VTA1: variants seen among roughly 807,000 people sequenced by gnomAD.
VTA1 encodes the protein vacuolar protein sorting-associated protein VTA1 homolog.
In VTA1, 24 loss-of-function variants were observed where a neutral mutation model predicts 36.9. That is an observed-to-expected ratio of 0.65 (90% CI 0.47 to 0.91). The LOEUF (loss-of-function observed/expected upper bound fraction) is 0.91. Ranked by LOEUF, VTA1 falls within the 40% of genes least tolerant of loss-of-function variation. The pLI, the probability that VTA1 is intolerant of heterozygous loss-of-function variation, is 0.00. For missense variants in VTA1, 393 were observed against 377.2 expected, an observed-to-expected ratio of 1.04 and a Z score of -0.35; for synonymous variants, 142 against 130.2, an observed-to-expected ratio of 1.09 and a Z score of -0.62.
In VTA1 at chr6:142,224,505, A is replaced by G. The variant is rs1282710347; in HGVS notation, c.*5862A>G. On this transcript the variant is annotated 3_prime_UTR_variant, in exon 8 of 8. Transcript: ENST00000367630. Reference sequence around the variant, plus strand: ...TTATGTATCACGTAAGTTAAACTTTATTTATTTACATGTGTCTCCCTCATT... The same window carrying G: ...TTATGTATCACGTAAGTTAAACTTTGTTTATTTACATGTGTCTCCCTCATT... 6.6e-6 allele frequency: 1 copy of G among 152,128 alleles called. No homozygotes were observed. The highest frequency in any genetic ancestry group is 1.5e-5 in the Non-Finnish European group (1 of 68,020). 9.4% of individuals were successfully genotyped at this position (152,128 alleles called of 1,614,324 possible). A position where few individuals can be genotyped will look rare whatever the true frequency, so the allele number is the denominator to read the frequency against.
chr6:142,152,764 G>A (rs1218577174), intron 1 of VTA1, among the ~76,000 whole-genome samples: 7 of 152,046 alleles, frequency 4.6e-5, no homozygotes, highest in Admixed American at 2.0e-4. Context: ...ATAAAAACAT[G>A]TTAAGGGATA....
At chr6:142,179,281 A>G (rs1243052620) in intron 4 of VTA1, among the ~76,000 whole-genome samples, 1 of 152,166 alleles carries the variant, frequency 6.6e-6, no homozygotes, top group Non-Finnish European at 1.5e-5. Flanking sequence ...TGGAGATGTT[A>G]GATGTTATAT....
At chr6:142,169,516 A>C (rs754708403) in intron 2 of VTA1, 34 bp from the exon 3 acceptor site, 2 of 1,592,544 alleles carry the variant, frequency 1.3e-6, no homozygotes, top group Non-Finnish European at 1.7e-6. Context: ...CTGAGAGTCC[A>C]AAATCATAAG....
intron 6 of VTA1, among the ~76,000 whole-genome samples, chr6:142,199,614 A>C (rs1207852031): frequency 6.6e-6 from 1 of 152,094 alleles, no homozygotes; most frequent in Non-Finnish European, 1.5e-5. Context: ...ATTACATTAT[A>C]TGCAAGTTTT....
chr6:142,216,044 C>A (rs1203395045), intron 7 of VTA1, among the ~76,000 whole-genome samples: 1 of 152,092 alleles, frequency 6.6e-6, no homozygotes, highest in African/African-American at 2.4e-5. Flanking sequence ...TATTAGACAA[C>A]CCCTCTAATC....
chr6:142,179,893 T>C (rs1775195394), intron 4 of VTA1, among the ~76,000 whole-genome samples: 1 of 152,188 alleles, frequency 6.6e-6, no homozygotes, highest in Admixed American at 6.5e-5. Flanking sequence ...ATTAAATATA[T>C]TGAGGGAGAC....
chr6:142,208,698 A>G (rs1775844043), intron 7 of VTA1, among the ~76,000 whole-genome samples: 1 of 152,180 alleles, frequency 6.6e-6, no homozygotes, highest in Non-Finnish European at 1.5e-5. Context: ...TAAGAAGCAA[A>G]TAGCATATAA....
chr6:142,160,285 A>G (rs1774775865), intron 1 of VTA1, among the ~76,000 whole-genome samples: 2 of 152,212 alleles, frequency 1.3e-5, no homozygotes, highest in Admixed American at 1.3e-4. Flanking sequence ...AGGGTAACAT[A>G]TAGAACTCTT....
At chr6:142,204,496 G>C (rs945865171) in intron 7 of VTA1, among the ~76,000 whole-genome samples, 3 of 152,050 alleles carry the variant, frequency 2.0e-5, no homozygotes, top group African/African-American at 2.4e-5. Flanking sequence ...AGGTTACTTT[G>C]GTTGGTTGGT....
At chr6:142,167,044 A>G (rs987510721) in intron 2 of VTA1, among the ~76,000 whole-genome samples, 4 of 152,200 alleles carry the variant, frequency 2.6e-5, no homozygotes, top group African/African-American at 9.7e-5. Flanking sequence ...ACAATGAAGG[A>G]AATGATGCCA....
intron 5 of VTA1, among the ~76,000 whole-genome samples, chr6:142,198,155 G>A (rs1014954121): frequency 6.3e-5 from 9 of 143,198 alleles, no homozygotes; most frequent in Non-Finnish European, 1.4e-4. Context: ...GTGTGTGTGT[G>A]TGTGTGTGTA....
intron 5 of VTA1, among the ~76,000 whole-genome samples, chr6:142,192,238 A>G (rs933914815): frequency 2.6e-5 from 4 of 152,072 alleles, no homozygotes; most frequent in African/African-American, 9.7e-5. Context: ...CACCTTCAGT[A>G]CAGTATTTAT....
At chr6:142,153,849 C>T (rs1448781756) in intron 1 of VTA1, among the ~76,000 whole-genome samples, 2 of 152,014 alleles carry the variant, frequency 1.3e-5, no homozygotes, top group Non-Finnish European at 2.9e-5. Flanking sequence ...AGTTGTAGGT[C>T]CATGTGCAGC....
Position 142,198,632 on chromosome 6 carries a change from G to A in VTA1, c.697+17G>A, listed in dbSNP as rs201003184. The A allele has an allele frequency of 5.4e-5, 86 of 1,587,664 alleles. 2 individuals are homozygous for A. In the South Asian group the frequency reaches 9.6e-4, roughly 18 times the overall value. ...ACAGCACAGGTGGGAAACTGTAACT[G>A]AATGATTTATTTAATTCCCCTTTTA... On this transcript the variant is annotated intron_variant, in intron 6 of 7. Coordinates refer to ENST00000367630, the MANE Select transcript of VTA1 (RefSeq NM_016485.5).
chr6:142,192,463 G>A (rs1775473449), intron 5 of VTA1, among the ~76,000 whole-genome samples: 1 of 152,022 alleles, frequency 6.6e-6, no homozygotes, highest in African/African-American at 2.4e-5. Context: ...TATAAAAAAA[G>A]AACAGTAGAT....
intron 7 of VTA1, among the ~76,000 whole-genome samples, chr6:142,217,079 A>G (rs952654237): frequency 1.3e-5 from 2 of 152,176 alleles, no homozygotes; most frequent in Admixed American, 6.5e-5. Context: ...ACTTCAGGAT[A>G]GTTGATGTTT....
chr6:142,159,604 C>G lies in VTA1; in HGVS notation c.113-6624C>G, dbSNP rs188137604. On this transcript the variant is annotated intron_variant, in intron 1 of 7. Transcript: ENST00000367630. ...TCTCAGCTCACTGCAACTTCTGCCT[C>G]CTGGGTTCAAGCAATTTTCCTGCCG... 6.1e-4 allele frequency among the ~76,000 whole-genome samples: 92 copies of G among 151,206 alleles called. 1 individual carries two copies. The highest frequency in any genetic ancestry group is 2.0e-3 in the African/African-American group (83 of 41,262).
At chr6:142,174,606 C>T (rs995434442) in intron 4 of VTA1, among the ~76,000 whole-genome samples, 4 of 152,016 alleles carry the variant, frequency 2.6e-5, no homozygotes, top group Non-Finnish European at 2.9e-5. Flanking sequence ...GTGAAAAGGA[C>T]ATGAGATTTG....
chr6:142,197,525 A>G (rs1775575735), intron 5 of VTA1, among the ~76,000 whole-genome samples: 1 of 152,204 alleles, frequency 6.6e-6, no homozygotes, highest in Non-Finnish European at 1.5e-5. Context: ...ATATTTTAAA[A>G]GTTTGCATTT....
Sources: gnomAD v4.1 joint callset for allele counts (sites outside exome capture counted in the v4.1 genomes callset) on GRCh38, gnomAD v4.1.1 for gene constraint, MANE v1.5 for transcripts, NCBI Gene and HGNC (gene_info 2026-07-23, HGNC 2026-07-21) for gene names.